The following FSTL4 variants were observed in gnomAD, a reference collection of about 807,000 sequenced individuals.
The protein encoded by FSTL4 is follistatin like 4.
FSTL4 carries 28 observed loss-of-function variants against 78.2 expected under a neutral mutation model. That is an observed-to-expected ratio of 0.36 (90% confidence interval 0.27 to 0.49). The LOEUF is 0.49. Among genes scored for constraint, FSTL4 ranks in the 20% least tolerant of loss-of-function variants. The probability of loss-of-function intolerance (pLI) is 0.98; values close to 1 mark genes in which losing one functional copy is unlikely to be tolerated. For missense variants in FSTL4, 922 were observed against 1,084.9 expected (o/e 0.85, Z 2.11); for synonymous variants, 422 against 440.5 (o/e 0.96, Z 0.53).
At chr5:133,318,892 C>T (rs1409356190) in intron 4 of FSTL4, among the ~76,000 whole-genome samples, 1 of 152,230 alleles carries the variant, frequency 6.6e-6, no homozygotes, top group Non-Finnish European at 1.5e-5. Flanking sequence ...TATTTCGTCT[C>T]AGGACCCCAG....
intron 4 of FSTL4, among the ~76,000 whole-genome samples, chr5:133,318,310 A>T (rs1269535102): frequency 2.6e-5 from 4 of 152,190 alleles, no homozygotes; most frequent in Non-Finnish European, 5.9e-5. Context: ...TCAAGTCTGT[A>T]GAGCTACAGG....
At chr5:133,628,426 C>G in the FSTL4 span, among the ~76,000 whole-genome samples, 1 of 150,640 alleles carries the variant, frequency 6.6e-6, no homozygotes, top group Non-Finnish European at 1.5e-5. Context: ...ATGGCATAAT[C>G]TCAGCTCACT....
intron 2 of FSTL4, among the ~76,000 whole-genome samples, chr5:133,595,770 C>T (rs1444625959): frequency 6.6e-6 from 1 of 152,222 alleles, no homozygotes; most frequent in Non-Finnish European, 1.5e-5. Flanking sequence ...GTGCTCATGA[C>T]AACCCTGAAA....
At chr5:133,301,242 A>T (rs563929634) in intron 6 of FSTL4, among the ~76,000 whole-genome samples, 1 of 152,228 alleles carries the variant, frequency 6.6e-6, no homozygotes, top group Non-Finnish European at 1.5e-5. Flanking sequence ...GCATCCTGCC[A>T]AAGTGCGCAG....
intron 4 of FSTL4, among the ~76,000 whole-genome samples, chr5:133,385,898 GC>G (rs1382507173): frequency 6.6e-6 from 1 of 152,152 alleles, no homozygotes; most frequent in Non-Finnish European, 1.5e-5. Flanking sequence ...GGCACAATCT[GC>G]CCAGTTGCTG....
At chr5:133,569,232 T>G (rs995180661) in intron 2 of FSTL4, among the ~76,000 whole-genome samples, 5 of 152,226 alleles carry the variant, frequency 3.3e-5, no homozygotes, top group Non-Finnish European at 7.3e-5. Context: ...TATCTCTTCT[T>G]TCCAATTCCT....
chr5:133,257,599 T>C (rs570615160), intron 6 of FSTL4, among the ~76,000 whole-genome samples: 15 of 152,264 alleles, frequency 9.9e-5, no homozygotes, highest in African/African-American at 2.9e-4. Flanking sequence ...CCAGGGGCTG[T>C]GAGATCACCA....
At chr5:133,269,136 C>T (rs1009530341) in intron 6 of FSTL4, among the ~76,000 whole-genome samples, 5 of 139,198 alleles carry the variant, frequency 3.6e-5, no homozygotes, top group East Asian at 4.3e-4. Context: ...GAGCTGAGAT[C>T]GTGCCACTGC....
At chr5:133,323,457 T>G (rs1754123252) in intron 4 of FSTL4, among the ~76,000 whole-genome samples, 1 of 152,214 alleles carries the variant, frequency 6.6e-6, no homozygotes, top group African/African-American at 2.4e-5. Flanking sequence ...TGGGACAGGT[T>G]GGCAACTAAA....
chr5:133,545,311 C>T (rs185139682), intron 3 of FSTL4, among the ~76,000 whole-genome samples: 56 of 152,262 alleles, frequency 3.7e-4, no homozygotes, highest in African/African-American at 1.3e-3. Context: ...GGGATTCATG[C>T]CACTCTCGCA....
chr5:133,656,337 T>G, the FSTL4 span, among the ~76,000 whole-genome samples: 9 of 151,936 alleles, frequency 5.9e-5, no homozygotes, highest in Admixed American at 5.9e-4. Context: ...GGAGCTGGAG[T>G]GTTTATACAA....
At chr5:133,835,047 T>C in the FSTL4 span, among the ~76,000 whole-genome samples, 2 of 152,186 alleles carry the variant, frequency 1.3e-5, no homozygotes, top group Non-Finnish European at 2.9e-5. Flanking sequence ...ATCCAGATGC[T>C]TCAGGCAAGT....
At chr5:133,792,693 C>T in the FSTL4 span, among the ~76,000 whole-genome samples, 5 of 152,208 alleles carry the variant, frequency 3.3e-5, no homozygotes, top group Admixed American at 6.5e-5. Context: ...TCCTTTTGCT[C>T]ATCTTCCCAG....
intron 3 of FSTL4, among the ~76,000 whole-genome samples, chr5:133,429,940 G>T (rs146137969): frequency 4.3e-4 from 65 of 152,282 alleles, no homozygotes; most frequent in Non-Finnish European, 7.5e-4. Flanking sequence ...CATCTCTATT[G>T]ATTAATGGGC....
intron 4 of FSTL4, among the ~76,000 whole-genome samples, chr5:133,348,546 C>A (rs2126924061): frequency 6.6e-6 from 1 of 152,356 alleles, no homozygotes; most frequent in South Asian, 2.1e-4. Flanking sequence ...GGGCTGCAAG[C>A]CTGTGAGAGC....
chr5:133,767,297 T>C, the FSTL4 span, among the ~76,000 whole-genome samples: 1 of 152,190 alleles, frequency 6.6e-6, no homozygotes, highest in Non-Finnish European at 1.5e-5. Flanking sequence ...GCATCGATTC[T>C]AGCCTGTCAT....
chr5:133,803,248 T>C, the FSTL4 span, among the ~76,000 whole-genome samples: 1 of 152,138 alleles, frequency 6.6e-6, no homozygotes, highest in Non-Finnish European at 1.5e-5. Context: ...AATATAGCTT[T>C]CTTCCTGAGA....
At chr5:133,529,662 A>C (rs1202500122) in intron 3 of FSTL4, among the ~76,000 whole-genome samples, 7 of 152,176 alleles carry the variant, frequency 4.6e-5, no homozygotes, top group Non-Finnish European at 1.0e-4. Flanking sequence ...GAGCTAAAAG[A>C]TCCCCAACCC....
chr5:133,211,525 T>C (rs953063284), intron 13 of FSTL4, among the ~76,000 whole-genome samples: 2 of 152,152 alleles, frequency 1.3e-5, no homozygotes, highest in Non-Finnish European at 2.9e-5. Context: ...GTCTCTCCGA[T>C]GAGGGGGAGA....
Sources: allele counts gnomAD v4.1 joint callset (sites outside exome capture counted in the v4.1 genomes callset), GRCh38; gene constraint gnomAD v4.1.1; transcripts MANE v1.5; gene names NCBI Gene and HGNC (gene_info 2026-07-23, HGNC 2026-07-21).